The following MEAK7 variants were observed in gnomAD, a reference collection of about 807,000 sequenced individuals.
The protein encoded by MEAK7 is MTOR-associated protein MEAK7.
MEAK7 carries 68 observed loss-of-function variants against 40.5 expected under a neutral mutation model. The ratio of observed to expected loss-of-function variants is 1.68; its 90% CI spans 1.38 to 2.06. The LOEUF is 2.06. Ranked by LOEUF, MEAK7 falls within the 30% of genes most tolerant of loss-of-function variation. The pLI, the probability that MEAK7 is intolerant of heterozygous loss-of-function variation, is 0.00. For missense variants in MEAK7, 918 were observed against 580.5 expected (o/e 1.58, Z -5.98); for synonymous variants, 338 against 231.9 (o/e 1.46, Z -4.16).
intron 1 of MEAK7, among the ~76,000 whole-genome samples, chr16:84,501,066 G>C (rs1441558064): frequency 7.8e-6 from 1 of 128,950 alleles, no homozygotes; most frequent in Admixed American, 9.3e-5. Context: ...CTACACTCCA[G>C]CCTGGGCAAC....
chr16:84,498,099 C>A lies in MEAK7; in HGVS notation c.-13G>T. The stretch of plus-strand genomic sequence containing the variant: ...TGCTGTTCCCCATCTGTCCTGATAT[C>A]TGGCAGAATTCTCTGCAGAAGGAAA... On this transcript the variant is annotated 5_prime_UTR_variant, in exon 2 of 8. Coordinates refer to ENST00000343629, the MANE Select transcript of MEAK7 (RefSeq NM_020947.4). 1.3e-6 allele frequency: 2 copies of A among 1,572,590 alleles called. No homozygotes were observed. The highest frequency in any genetic ancestry group is 1.7e-6 in the Non-Finnish European group (2 of 1,161,460).
At chr16:84,491,574 C>G (rs1303921030) in intron 3 of MEAK7, among the ~76,000 whole-genome samples, 4 of 145,042 alleles carry the variant, frequency 2.8e-5, no homozygotes, top group Non-Finnish European at 4.5e-5. Flanking sequence ...CACGGTGACT[C>G]ACGCCTATAA....
Position 84,486,481 on chromosome 16 carries a change from G to C in MEAK7, c.958+150C>G. On this transcript the variant is annotated intron_variant, in intron 5 of 7. Coordinates refer to ENST00000343629, the MANE Select transcript of MEAK7 (RefSeq NM_020947.4). ...CTGATGTGATAAACACCATAGAGCA[G>C]CATCACATTTTCCTATCGCCCCGAC... The C allele has an allele frequency of 2.8e-6, 4 of 1,432,836 alleles. No individual in the cohort carries two copies. In the South Asian group the frequency reaches 4.5e-5, roughly 16 times the overall value. 88.8% of individuals were successfully genotyped at this position (1,432,836 alleles called of 1,614,324 possible).
At chr16:84,481,414 G>A (rs1225362902) in intron 6 of MEAK7, among the ~76,000 whole-genome samples, 1 of 152,218 alleles carries the variant, frequency 6.6e-6, no homozygotes, top group African/African-American at 2.4e-5. Flanking sequence ...AATGACGAGC[G>A]ATGACCGGGG....
chr16:84,496,296 A>G (rs1258265886), intron 2 of MEAK7, among the ~76,000 whole-genome samples: 3 of 152,144 alleles, frequency 2.0e-5, no homozygotes, highest in African/African-American at 7.2e-5. Context: ...CGTGAATGAC[A>G]TACCTGGTCA....
chr16:84,489,685 C>T (rs531092130), intron 3 of MEAK7, among the ~76,000 whole-genome samples: 2 of 152,288 alleles, frequency 1.3e-5, no homozygotes, highest in South Asian at 4.1e-4. Flanking sequence ...TGGACAGCTC[C>T]ACAATGCCTG....
At chr16:84,492,300 G>T (rs1239938957) in intron 3 of MEAK7, among the ~76,000 whole-genome samples, 2 of 152,048 alleles carry the variant, frequency 1.3e-5, no homozygotes, top group African/African-American at 2.4e-5. Flanking sequence ...TTCATTTAAA[G>T]AATTATAAAA....
At chr16:84,493,166 T>C (rs757978382) in intron 3 of MEAK7, among the ~76,000 whole-genome samples, 6 of 152,216 alleles carry the variant, frequency 3.9e-5, no homozygotes, top group Admixed American at 2.0e-4. Context: ...ATGTTATCAG[T>C]AGTAATTACT....
chr16:84,494,866 G>C (rs900551521), intron 3 of MEAK7: 1 of 448,872 alleles, frequency 2.2e-6, no homozygotes, highest in Admixed American at 2.5e-5. Context: ...TAAAAACTCA[G>C]GACTCCAATT....
intron 5 of MEAK7, among the ~76,000 whole-genome samples, chr16:84,484,649 G>A (rs1305276209): frequency 2.6e-5 from 4 of 152,206 alleles, no homozygotes; most frequent in Non-Finnish European, 5.9e-5. Flanking sequence ...TGTACTCAAG[G>A]AGGTGGCCAC....
In MEAK7 at chr16:84,479,738, A is replaced by C. The variant is rs1178076050; in HGVS notation, c.*175T>G. On this transcript the variant is annotated 3_prime_UTR_variant, in exon 8 of 8. Coordinates refer to ENST00000343629, the MANE Select transcript of MEAK7 (RefSeq NM_020947.4). ...ACATCTATTTCTGGGAGATCCACCC[A>C]TGAGTCAGGACATGGCTTCAGAGGG... 7 of 428,992 alleles carry C rather than the reference A, an allele frequency of 1.6e-5. No homozygotes were observed. The Admixed American group carries it at 2.5e-4, about 16-fold the overall frequency. 26.6% of individuals were successfully genotyped at this position (428,992 alleles called of 1,614,324 possible). A position where few individuals can be genotyped will look rare whatever the true frequency, so the allele number is the denominator to read the frequency against.
At chr16:84,488,634 A>G (rs1913296962) in intron 4 of MEAK7, among the ~76,000 whole-genome samples, 1 of 152,232 alleles carries the variant, frequency 6.6e-6, no homozygotes, top group South Asian at 2.1e-4. Flanking sequence ...CAGTACTAAA[A>G]GGCAATTTGA....
intron 7 of MEAK7, among the ~76,000 whole-genome samples, chr16:84,480,261 T>C (rs1286068034): frequency 6.6e-6 from 1 of 152,100 alleles, no homozygotes; most frequent in Non-Finnish European, 1.5e-5. Context: ...ATTCCTCCTC[T>C]TGCAGGTGGG....
chr16:84,502,411 T>A (rs995387795), intron 1 of MEAK7, among the ~76,000 whole-genome samples: 2 of 151,506 alleles, frequency 1.3e-5, no homozygotes, highest in African/African-American at 4.9e-5. Flanking sequence ...GGGCTGAAGG[T>A]GAGAAAACCT....
chr16:84,489,597 C>A (rs1176126919), intron 3 of MEAK7, among the ~76,000 whole-genome samples, 175 bp from the exon 4 acceptor site: 1 of 152,176 alleles, frequency 6.6e-6, no homozygotes, highest in African/African-American at 2.4e-5. Flanking sequence ...CTTGGCTGGC[C>A]TAGAACTTTT....
chr16:84,487,195 T>A lies in MEAK7; in HGVS notation c.530-136A>T, dbSNP rs974552038. 20 of 793,550 alleles carry A rather than the reference T, an allele frequency of 2.5e-5. No individual in the cohort carries two copies. In the South Asian group the frequency reaches 4.0e-4, roughly 16 times the overall value. The allele number at this position is 793,550 out of a possible 1,614,324, so 49.2% of individuals were successfully genotyped here. Reference sequence around the variant, plus strand: ...CACAGAAAACAGGGCTCGTGTGAATTGAGAGGTGCCGTCAGTGTAAAAGGC... The same window carrying A: ...CACAGAAAACAGGGCTCGTGTGAATAGAGAGGTGCCGTCAGTGTAAAAGGC... On this transcript the variant is annotated intron_variant, in intron 4 of 7. Coordinates refer to ENST00000343629, the MANE Select transcript of MEAK7 (RefSeq NM_020947.4).
chr16:84,496,044 G>A lies in MEAK7; in HGVS notation c.154-131C>T, dbSNP rs1914020037. The stretch of plus-strand genomic sequence containing the variant: ...AGTTTTCGTTTTTTAAAGCATCTCT[G>A]AAAAAGTTTCTTGTAAAGCCCCGTC... On this transcript the variant is annotated intron_variant, in intron 2 of 7. Transcript: ENST00000343629. The A allele has an allele frequency of 7.4e-5, 67 of 910,472 alleles. No individual in the cohort carries two copies. The South Asian group carries it at 1.1e-3, about 15-fold the overall frequency. 56.4% of individuals were successfully genotyped at this position (910,472 alleles called of 1,614,324 possible).
rs145611712 is a variant in MEAK7, at chr16:84,481,193, G to T, written c.1078-485C>A. 9.8e-3 allele frequency among the ~76,000 whole-genome samples: 1,493 copies of T among 152,302 alleles called. 12 individuals are homozygous for T. The highest frequency in any genetic ancestry group is 0.015 in the Non-Finnish European group (1,012 of 68,030). ...TCCGAGTGTGTGGCTTACAGGATGC[G>T]GAGGCAGACCCGGAGGCGGATGCGA... is the stretch of plus-strand genomic sequence containing the variant. On this transcript the variant is annotated intron_variant, in intron 6 of 7. Transcript: ENST00000343629.
intron 1 of MEAK7, among the ~76,000 whole-genome samples, chr16:84,501,105 GAAAAAA>G (rs35447624): frequency 1.4e-3 from 144 of 103,660 alleles, no homozygotes; most frequent in Admixed American, 3.0e-3. Context: ...AAAAAAAAAA[GAAAAAA>G]AAAAAAAAAA....
Sources: allele counts gnomAD v4.1 joint callset (sites outside exome capture counted in the v4.1 genomes callset), GRCh38; gene constraint gnomAD v4.1.1; transcripts MANE v1.5; gene names NCBI Gene and HGNC (gene_info 2026-07-23, HGNC 2026-07-21).